Variants in CSMD1 observed in about 807,000 individuals in gnomAD.
CSMD1 encodes the protein CUB and sushi domain-containing protein 1.
A neutral mutation model predicts 417.5 loss-of-function variants in CSMD1; 213 were observed. The observed-to-expected ratio is 0.51, with a 90% confidence interval of 0.46 to 0.57. The LOEUF is 0.57. Ranked by LOEUF, CSMD1 falls within the 20% of genes least tolerant of loss-of-function variation. The pLI is 0.00. For synonymous variants in CSMD1, 2,862 were observed against 1,736.8 expected (o/e 1.65, Z -16.11); for missense variants, 6,923 against 4,529.7 (o/e 1.53, Z -15.17).
At chr8:3,883,297 G>C (rs1468571012) in intron 5 of CSMD1, among the ~76,000 whole-genome samples, 1 of 152,026 alleles carries the variant, frequency 6.6e-6, no homozygotes, top group African/African-American at 2.4e-5. Flanking sequence ...TTTACTGTGA[G>C]AACTGAACGA....
intron 1 of CSMD1, among the ~76,000 whole-genome samples, chr8:4,858,678 G>C (rs1430395038): frequency 6.6e-6 from 1 of 151,168 alleles, no homozygotes; most frequent in South Asian, 2.1e-4. Context: ...GCTTCAAAGA[G>C]AATAAAATAC....
At chr8:4,596,891 A>G (rs886902808) in intron 2 of CSMD1, among the ~76,000 whole-genome samples, 1 of 152,192 alleles carries the variant, frequency 6.6e-6, no homozygotes, top group African/African-American at 2.4e-5. Flanking sequence ...CTGATAGCGA[A>G]TAAGTCTCAC....
chr8:4,102,253 G>C lies in CSMD1; in HGVS notation c.416-70154C>G, dbSNP rs369835198. ...GCCCTTCTGTAATGTTTTGTTTTTA[G>C]ATATGCTATACTTTACACATTATAA... On this transcript the variant is annotated intron_variant, in intron 3 of 69. Transcript: ENST00000635120. 9.2e-5 allele frequency among the ~76,000 whole-genome samples: 14 copies of C among 152,174 alleles called. 1 individual carries two copies. The South Asian group carries it at 2.9e-3, about 32-fold the overall frequency.
At chr8:3,558,813 C>T (rs1178450956) in intron 10 of CSMD1, among the ~76,000 whole-genome samples, 1 of 150,922 alleles carries the variant, frequency 6.6e-6, no homozygotes, top group South Asian at 2.1e-4. Flanking sequence ...CTCAATAGCA[C>T]CTCGTGTCCA....
At chr8:3,391,311 C>G (rs995786231) in intron 17 of CSMD1, among the ~76,000 whole-genome samples, 1 of 152,090 alleles carries the variant, frequency 6.6e-6, no homozygotes, top group African/African-American at 2.4e-5. Flanking sequence ...CTTTCTTCTG[C>G]CTTCAGAGAT....
intron 3 of CSMD1, among the ~76,000 whole-genome samples, chr8:4,281,385 T>A (rs1368642776): frequency 6.6e-6 from 1 of 152,098 alleles, no homozygotes; most frequent in Non-Finnish European, 1.5e-5. Flanking sequence ...ACCAGTGGTT[T>A]TTCACCAAAA....
chr8:3,465,012 G>A (rs1382707430), intron 12 of CSMD1, among the ~76,000 whole-genome samples: 4 of 152,052 alleles, frequency 2.6e-5, no homozygotes, highest in East Asian at 1.9e-4. Context: ...TAATACACAT[G>A]CTCATAAGTA....
At chr8:4,136,063 AG>A (rs1287566367) in intron 3 of CSMD1, among the ~76,000 whole-genome samples, 1 of 152,206 alleles carries the variant, frequency 6.6e-6, no homozygotes, top group Non-Finnish European at 1.5e-5. Flanking sequence ...GCACTTGGCA[AG>A]AGAAAAAAAA....
chr8:3,075,276 C>CT (rs1254587952), intron 49 of CSMD1, among the ~76,000 whole-genome samples: 108 of 38,186 alleles, frequency 2.8e-3, no homozygotes, highest in African/African-American at 6.5e-3. Flanking sequence ...TCTTTTCTTT[C>CT]TTTCTTTTTT....
intron 26 of CSMD1, among the ~76,000 whole-genome samples, chr8:3,265,588 G>A (rs757245137): frequency 6.6e-6 from 1 of 152,174 alleles, no homozygotes; most frequent in Non-Finnish European, 1.5e-5. Context: ...AAACAGCAAA[G>A]AAATAATCTG....
In CSMD1 at chr8:3,828,592, G is replaced by C. The variant is rs577783804; in HGVS notation, c.819-74550C>G. On this transcript the variant is annotated intron_variant, in intron 5 of 69. Transcript: ENST00000635120. ...TATTGACTCTCTCTGCAAAGCATTC[G>C]ACAATTTTCTTCCATTTCTTCCTGT... Among the ~76,000 whole-genome samples the C allele has an allele frequency of 2.6e-5, 4 of 151,956 alleles. No individual in the cohort carries two copies. The South Asian group carries it at 8.3e-4, about 32-fold the overall frequency.
At chr8:4,938,939 T>G (rs1228655948) in intron 1 of CSMD1, among the ~76,000 whole-genome samples, 1 of 144,354 alleles carries the variant, frequency 6.9e-6, no homozygotes, top group Non-Finnish European at 1.5e-5. Flanking sequence ...TTTGTGTGTC[T>G]TCTTTGGAGA....
rs1437500174 is a variant in CSMD1 at position 4,665,577 on chromosome 8, GC to G, written c.86-28020del. Among the ~76,000 whole-genome samples, 3 of 152,070 alleles carry G rather than the reference GC, an allele frequency of 2.0e-5. No individual in the cohort carries two copies. In the East Asian group the frequency reaches 5.8e-4, roughly 29 times the overall value. ...ATATGATTTCCATCTCTGTAGCTTT[GC>G]CTTTCCCAGGTCATATTAATAGAAT... On this transcript the variant is annotated intron_variant, in intron 1 of 69. Transcript: ENST00000635120.
intron 5 of CSMD1, among the ~76,000 whole-genome samples, chr8:3,957,932 C>G (rs992975891): frequency 6.6e-6 from 1 of 152,086 alleles, no homozygotes; most frequent in Admixed American, 6.5e-5. Context: ...CTTCTCAGGG[C>G]AGCAAATCCT....
intron 3 of CSMD1, among the ~76,000 whole-genome samples, chr8:4,037,070 G>A (rs1166682488): frequency 6.6e-6 from 1 of 151,854 alleles, no homozygotes; most frequent in Non-Finnish European, 1.5e-5. Flanking sequence ...GACAGCTCTG[G>A]CCACCCACAA....
chr8:4,413,446 T>A (rs568586455), intron 3 of CSMD1, among the ~76,000 whole-genome samples: 1 of 152,324 alleles, frequency 6.6e-6, no homozygotes, highest in African/African-American at 2.4e-5. Context: ...GCGTCTCTCT[T>A]CTAATGACTT....
chr8:4,175,755 A>G (rs940136217), intron 3 of CSMD1, among the ~76,000 whole-genome samples: 1 of 152,194 alleles, frequency 6.6e-6, no homozygotes, highest in African/African-American at 2.4e-5. Context: ...GTGAAATATT[A>G]AGTTAAAAAG....
intron 5 of CSMD1, among the ~76,000 whole-genome samples, chr8:3,760,034 T>A (rs1797905259): frequency 6.6e-6 from 1 of 152,026 alleles, no homozygotes; most frequent in Admixed American, 6.6e-5. Flanking sequence ...GACACACGCC[T>A]GGTGAAATCA....
chr8:3,457,670 G>T (rs1816241707), intron 12 of CSMD1, among the ~76,000 whole-genome samples: 1 of 152,052 alleles, frequency 6.6e-6, no homozygotes, highest in Non-Finnish European at 1.5e-5. Context: ...ACACAATTCA[G>T]AAATTTTAAC....
Sources: allele counts gnomAD v4.1 joint callset (sites outside exome capture counted in the v4.1 genomes callset), GRCh38; gene constraint gnomAD v4.1.1; transcripts MANE v1.5; gene names NCBI Gene and HGNC (gene_info 2026-07-23, HGNC 2026-07-21).